Variants in RNF212 observed in about 807,000 individuals in gnomAD.
RNF212 encodes ring finger protein 212.
In RNF212, 33 loss-of-function variants were observed where a neutral mutation model predicts 34.7. The observed-to-expected ratio is 0.95, with a 90% CI of 0.72 to 1.27. The LOEUF (loss-of-function observed/expected upper bound fraction) is 1.27. RNF212 is among the 50% of genes most tolerant of loss of function. RNF212 has a pLI of 0.00. For missense variants in RNF212, 377 were observed against 362.2 expected (o/e 1.04, Z -0.33); for synonymous variants, 140 against 136.1 (o/e 1.03, Z -0.20).
At chr4:1,079,261 C>A (rs1295915327) in intron 8 of RNF212, among the ~76,000 whole-genome samples, 1 of 152,168 alleles carries the variant, frequency 6.6e-6, no homozygotes, top group Non-Finnish European at 1.5e-5. Flanking sequence ...ACAGGACCAA[C>A]ATGGGACCAA....
chr4:1,108,047 A>G (rs909121339), intron 2 of RNF212, among the ~76,000 whole-genome samples: 10 of 152,216 alleles, frequency 6.6e-5, no homozygotes, highest in African/African-American at 1.7e-4. Context: ...TCCAAACTCT[A>G]TCACCCTCTT....
intron 5 of RNF212, among the ~76,000 whole-genome samples, chr4:1,083,100 G>C (rs370064877): frequency 6.6e-6 from 1 of 152,180 alleles, no homozygotes; most frequent in African/African-American, 2.4e-5. Flanking sequence ...GGCGATACCA[G>C]GTATGTAGAG....
intron 7 of RNF212, among the ~76,000 whole-genome samples, chr4:1,080,447 A>T (rs1720142821): frequency 6.6e-6 from 1 of 152,088 alleles, no homozygotes; most frequent in Non-Finnish European, 1.5e-5. Flanking sequence ...GTCCATCCGG[A>T]CACTTGCCTC....
At chr4:1,103,223 G>A (rs911426736) in intron 2 of RNF212, among the ~76,000 whole-genome samples, 11 of 152,088 alleles carry the variant, frequency 7.2e-5, no homozygotes, top group African/African-American at 2.7e-4. Context: ...TAAACAGTTC[G>A]ATGTCTAATA....
Position 1,081,471 on chromosome 4 carries a change from G to T in RNF212, c.416-4C>A. 6.2e-7 allele frequency: 1 copy of T among 1,613,896 alleles called. No homozygotes were observed. The highest frequency in any genetic ancestry group is 8.5e-7 in the Non-Finnish European group (1 of 1,179,864). On this transcript the variant is annotated splice_polypyrimidine_tract_variant and splice_region_variant and intron_variant, in intron 6 of 9. Transcript: ENST00000433731. Reference sequence around the variant, plus strand: ...AGCAGGCATCCGTGTGGTTTTGCTGGAAGAGTGATGACGAAAATGCCAGCG... The same window carrying T: ...AGCAGGCATCCGTGTGGTTTTGCTGTAAGAGTGATGACGAAAATGCCAGCG...
At chr4:1,058,938 A>G (rs986457511) in intron 3 of RNF212, among the ~76,000 whole-genome samples, 12 of 152,202 alleles carry the variant, frequency 7.9e-5, no homozygotes, top group Non-Finnish European at 1.3e-4. Flanking sequence ...CCGGAAGGGC[A>G]AAAGCGCGTC....
At chr4:1,104,700 C>A (rs920342775) in intron 2 of RNF212, among the ~76,000 whole-genome samples, 4 of 152,200 alleles carry the variant, frequency 2.6e-5, no homozygotes, top group Non-Finnish European at 5.9e-5. Flanking sequence ...TGGAGCGCCC[C>A]CACCACCACT....
At chr4:1,071,411 CT>C (rs1487353675), downstream of RNF212, 3 of 151,924 alleles carry the variant, frequency 2.0e-5, no homozygotes, top group Non-Finnish European at 4.4e-5. Context: ...ACATTAAAAA[CT>C]AGAAGAATTC....
intron 3 of RNF212, among the ~76,000 whole-genome samples, chr4:1,094,575 AG>A (rs1022191384): frequency 1.2e-4 from 18 of 152,126 alleles, no homozygotes; most frequent in African/African-American, 4.3e-4. Flanking sequence ...CTCAGCTGCC[AG>A]GATGGGGGCC....
In RNF212 at chr4:1,093,227, A is replaced by G. The variant is rs185637325; in HGVS notation, c.247-2389T>C. ...GTCTTGGGCCAGTTTTGCACTCTTA[A>G]AAGTTACTGAGGGCCCCAGAGAGCT... On this transcript the variant is annotated intron_variant, in intron 3 of 9. Coordinates refer to ENST00000433731, the MANE Select transcript of RNF212 (RefSeq NM_001131034.4). 212 of 379,184 alleles carry G rather than the reference A, an allele frequency of 5.6e-4. 1 individual carries two copies. Among genetic ancestry groups the G allele is most frequent in the Admixed American group, 3.0e-3 (67 of 22,102 alleles). The allele number at this position is 379,184 out of a possible 1,614,324, so 23.5% of individuals were successfully genotyped here. A position where few individuals can be genotyped will look rare whatever the true frequency, so the allele number is the denominator to read the frequency against.
At chr4:1,086,037 T>C in intron 4 of RNF212, 83 bp from the exon 5 acceptor site, 1 of 1,020,764 alleles carries the variant, frequency 9.8e-7, no homozygotes, top group Non-Finnish European at 1.5e-6. Flanking sequence ...AAACCTTGAA[T>C]CAGAATGTGG....
At chr4:1,092,307 T>G (rs1412820476) in intron 3 of RNF212, among the ~76,000 whole-genome samples, 2 of 152,194 alleles carry the variant, frequency 1.3e-5, no homozygotes, top group African/African-American at 4.8e-5. Context: ...CAGCAAGGAC[T>G]GGGCTGCAGG....
chr4:1,093,919 T>C (rs1330883695), intron 3 of RNF212: 33 of 1,536,124 alleles, frequency 2.1e-5, no homozygotes, highest in Non-Finnish European at 2.9e-5. Context: ...CTCTGGCTGC[T>C]GCTTGGCTTC....
At chr4:1,061,049 A>T (rs1717718807) in intron 3 of RNF212, among the ~76,000 whole-genome samples, 1 of 152,250 alleles carries the variant, frequency 6.6e-6, no homozygotes, top group African/African-American at 2.4e-5. Context: ...GCAGACAACA[A>T]ATCAGAAAAC....
chr4:1,110,294 A>C (rs1725456012), intron 1 of RNF212, among the ~76,000 whole-genome samples: 1 of 152,180 alleles, frequency 6.6e-6, no homozygotes, highest in Non-Finnish European at 1.5e-5. Context: ...TAAACACACA[A>C]AATGAAGGTC....
chr4:1,089,114 C>T (rs935150968), intron 4 of RNF212, among the ~76,000 whole-genome samples: 5 of 152,178 alleles, frequency 3.3e-5, no homozygotes, highest in Admixed American at 6.5e-5. Context: ...GAATGGTAGA[C>T]CCATCAACAG....
In RNF212 at chr4:1,072,783, T is replaced by G. The variant is rs1718645314; in HGVS notation, c.*91A>C. ...TGCACACTGAGGGCTTCCACATAAATGACAAAGGAATAAAGCAGATAATTT... is the reference window on the plus strand; with the variant it reads ...TGCACACTGAGGGCTTCCACATAAAGGACAAAGGAATAAAGCAGATAATTT... On this transcript the variant is annotated 3_prime_UTR_variant, in exon 10 of 10. Coordinates refer to ENST00000433731, the MANE Select transcript of RNF212 (RefSeq NM_001131034.4). The G allele has an allele frequency of 1.4e-6, 2 of 1,466,394 alleles. No homozygotes were observed. 90.8% of individuals were successfully genotyped at this position (1,466,394 alleles called of 1,614,324 possible). A position where few individuals can be genotyped will look rare whatever the true frequency, so the allele number is the denominator to read the frequency against.
At chr4:1,092,803 G>A (rs1394883735) in intron 3 of RNF212, among the ~76,000 whole-genome samples, 4 of 152,212 alleles carry the variant, frequency 2.6e-5, no homozygotes, top group Non-Finnish European at 4.4e-5. Flanking sequence ...GGGAGGCCGC[G>A]AAGGCCTGAG....
intron 3 of RNF212, chr4:1,093,726 T>A: frequency 6.5e-7 from 1 of 1,536,296 alleles, no homozygotes; most frequent in Non-Finnish European, 8.7e-7. Flanking sequence ...ACATGTTTTA[T>A]GAACTCAAGC....
Sources: gnomAD v4.1 joint callset for allele counts (sites outside exome capture counted in the v4.1 genomes callset) on GRCh38, gnomAD v4.1.1 for gene constraint, MANE v1.5 for transcripts, NCBI Gene and HGNC (gene_info 2026-07-23, HGNC 2026-07-21) for gene names.